CAPN7: variants seen among roughly 807,000 people sequenced by gnomAD.
The protein encoded by CAPN7 is calpain-7.
In CAPN7, 72 loss-of-function variants were observed where a neutral mutation model predicts 115.2. The ratio of observed to expected loss-of-function variants is 0.63; its 90% CI spans 0.52 to 0.76. The LOEUF (loss-of-function observed/expected upper bound fraction) is 0.76, where lower values mean the gene tolerates loss of function less well. Ranked by LOEUF, CAPN7 falls within the 30% of genes least tolerant of loss-of-function variation. The pLI, the probability that CAPN7 is intolerant of heterozygous loss-of-function variation, is 0.00. For missense variants in CAPN7, 905 were observed against 971.5 expected (o/e 0.93, Z 0.91); for synonymous variants, 344 against 322.3 (o/e 1.07, Z -0.72).
intron 12 of CAPN7, among the ~76,000 whole-genome samples, chr3:15,238,436 T>C (rs957530201): frequency 4.6e-5 from 7 of 152,120 alleles, no homozygotes; most frequent in Non-Finnish European, 8.8e-5. Flanking sequence ...TGTTTTAAAA[T>C]ATTTCCATAT....
chr3:15,250,653 C>T (rs936488525), intron 19 of CAPN7, among the ~76,000 whole-genome samples: 3 of 152,168 alleles, frequency 2.0e-5, no homozygotes, highest in Admixed American at 6.5e-5. Context: ...ACCTGGGCAG[C>T]AGAGTGAGAC....
chr3:15,236,750 A>G (rs1245068845), intron 12 of CAPN7, among the ~76,000 whole-genome samples: 6 of 152,244 alleles, frequency 3.9e-5, no homozygotes. Flanking sequence ...CAGTTATAAC[A>G]ACTTGGTATT....
At chr3:15,210,362 T>G (rs370603160) in intron 1 of CAPN7, among the ~76,000 whole-genome samples, 1 of 152,160 alleles carries the variant, frequency 6.6e-6, no homozygotes, top group Non-Finnish European at 1.5e-5. Flanking sequence ...TATATACTTA[T>G]ATAATTTACA....
intron 12 of CAPN7, among the ~76,000 whole-genome samples, chr3:15,237,038 A>G (rs952649522): frequency 6.6e-6 from 1 of 152,344 alleles, no homozygotes; most frequent in South Asian, 2.1e-4. Flanking sequence ...TTGTATACCA[A>G]CTTTAGTGAT....
At chr3:15,237,730 G>T (rs1473802973) in intron 12 of CAPN7, among the ~76,000 whole-genome samples, 1 of 152,148 alleles carries the variant, frequency 6.6e-6, no homozygotes, top group East Asian at 1.9e-4. Flanking sequence ...AGCACTTTGG[G>T]AGGCTGAGGC....
intron 6 of CAPN7, among the ~76,000 whole-genome samples, chr3:15,226,608 G>C (rs1694331602): frequency 6.6e-6 from 1 of 152,150 alleles, no homozygotes; most frequent in South Asian, 2.1e-4. Context: ...TCTGTTTACA[G>C]TTAGCTCCTG....
chr3:15,215,184 G>A (rs1033669939), intron 2 of CAPN7, among the ~76,000 whole-genome samples: 2 of 152,092 alleles, frequency 1.3e-5, no homozygotes, highest in African/African-American at 4.8e-5. Flanking sequence ...CAGCCACTTG[G>A]GAGGCTAAGG....
chr3:15,217,601 T>C lies in CAPN7; in HGVS notation c.369+19T>C. 1 of 1,593,434 alleles carries C rather than the reference T, an allele frequency of 6.3e-7. No individual in the cohort carries two copies. The highest frequency in any genetic ancestry group is 8.6e-7 in the Non-Finnish European group (1 of 1,169,560). On this transcript the variant is annotated intron_variant, in intron 3 of 20. Transcript: ENST00000253693. Reference sequence around the variant, plus strand: ...GAAAACAGTGTGTATAGCTACAAATTACGTTTGATGAGTTATGCCAAACCA... The same window carrying C: ...GAAAACAGTGTGTATAGCTACAAATCACGTTTGATGAGTTATGCCAAACCA...
At position 15,252,575 on chromosome 3, in the gene CAPN7, C is replaced by T. The variant is rs1480776556; in HGVS notation, c.*1315C>T. On this transcript the variant is annotated 3_prime_UTR_variant, in exon 21 of 21. Coordinates refer to ENST00000253693, the MANE Select transcript of CAPN7 (RefSeq NM_014296.3). Reference sequence around the variant, plus strand: ...GAACATAAGAACTATATTATGAACACATGATTTGAACCTGTTGTGGTAAAG... The same window carrying T: ...GAACATAAGAACTATATTATGAACATATGATTTGAACCTGTTGTGGTAAAG... The T allele has an allele frequency of 6.6e-6, 1 of 152,094 alleles. No individual in the cohort carries two copies. The highest frequency in any genetic ancestry group is 6.5e-5 in the Admixed American group (1 of 15,274). The allele number at this position is 152,094 out of a possible 1,614,324, so 9.4% of individuals were successfully genotyped here.
chr3:15,234,003 G>A (rs1487894051), intron 11 of CAPN7, 30 bp downstream of exon 11: 6 of 1,213,142 alleles, frequency 4.9e-6, no homozygotes, highest in Admixed American at 1.8e-5. Flanking sequence ...TTATGTGTGT[G>A]GTAAATGTGG....
intron 16 of CAPN7, among the ~76,000 whole-genome samples, chr3:15,242,909 CTG>C (rs1695436109): frequency 6.6e-6 from 1 of 152,238 alleles, no homozygotes; most frequent in South Asian, 2.1e-4. Context: ...TCTTAAGGCT[CTG>C]GAGAATAGTG....
intron 12 of CAPN7, among the ~76,000 whole-genome samples, chr3:15,238,651 C>G (rs191081127): frequency 6.0e-4 from 91 of 152,088 alleles, no homozygotes; most frequent in African/African-American, 2.0e-3. Flanking sequence ...TCATTTTAGT[C>G]TCAGCGATTC....
intron 15 of CAPN7, among the ~76,000 whole-genome samples, chr3:15,241,938 C>T (rs1695373251): frequency 1.3e-5 from 2 of 152,102 alleles, no homozygotes; most frequent in South Asian, 4.1e-4. Flanking sequence ...AAAGGTTAAC[C>T]ATAATCTTAA....
chr3:15,213,816 C>T (rs913417362), intron 2 of CAPN7, among the ~76,000 whole-genome samples: 3 of 151,612 alleles, frequency 2.0e-5, no homozygotes, highest in African/African-American at 7.3e-5. Flanking sequence ...ATTCAAGCAT[C>T]AAATGAGACA....
chr3:15,224,432 C>T (rs931862191), intron 6 of CAPN7, among the ~76,000 whole-genome samples: 1 of 151,868 alleles, frequency 6.6e-6, no homozygotes, highest in Non-Finnish European at 1.5e-5. Flanking sequence ...ACCATCACGC[C>T]CAGCTAATTT....
At chr3:15,235,322 G>A (rs1465666024) in intron 12 of CAPN7, among the ~76,000 whole-genome samples, 177 bp downstream of exon 12, 1 of 152,184 alleles carries the variant, frequency 6.6e-6, no homozygotes, top group African/African-American at 2.4e-5. Flanking sequence ...TAAAAGGTGG[G>A]AAAGGAAATC....
At chr3:15,211,961 T>G in intron 1 of CAPN7, 143 bp from the exon 2 acceptor site, 1 of 468,774 alleles carries the variant, frequency 2.1e-6, no homozygotes. Context: ...TATAACTACT[T>G]TATGAAAAAA....
At position 15,233,909 on chromosome 3, in the gene CAPN7, A is replaced by G; in HGVS notation, c.1222A>G (p.Ile408Val). The G allele has an allele frequency of 6.2e-7, 1 of 1,607,692 alleles. No individual in the cohort carries two copies. Among genetic ancestry groups the G allele is most frequent in the Non-Finnish European group, 8.5e-7 (1 of 1,175,182 alleles). The change falls in exon 11 of 21, where the codon ATT becomes GTT. Residue 408 changes from isoleucine (I) to valine (V), a missense_variant. Physicochemically the swap from Ile to Val is conservative, Grantham distance 29. Around this residue, in one of 3 missense-constraint regions of CAPN7, gnomAD observed 620 missense variants for 703.4 expected, o/e 0.88. Transcript: ENST00000253693. Reference sequence around the variant, plus strand: ...ACTGACTGGCTGGATACCAGAAAGAATTGCTATGCATTCAGATAGCCAAAC... The same window carrying G: ...ACTGACTGGCTGGATACCAGAAAGAGTTGCTATGCATTCAGATAGCCAAAC... The part of the protein sequence containing the change: ...HALTGWIPER[I>V]AMHSDSQTFS...
chr3:15,243,773 C>G (rs1048543513), intron 16 of CAPN7, among the ~76,000 whole-genome samples: 2 of 150,764 alleles, frequency 1.3e-5, no homozygotes, highest in Admixed American at 6.6e-5. Flanking sequence ...ACAACACATA[C>G]TGAGGTCTAC....
Sources: gnomAD v4.1 joint callset for allele counts (sites outside exome capture counted in the v4.1 genomes callset) on GRCh38, gnomAD v4.1.1 for gene constraint, gnomAD v4.1.1 regional missense constraint, MANE v1.5 for transcripts, NCBI Gene and HGNC (gene_info 2026-07-23, HGNC 2026-07-21) for gene names.